The following ARB2A variants were observed in gnomAD, a reference collection of about 807,000 sequenced individuals.
ARB2A encodes the protein cotranscriptional regulator ARB2A.
the ARB2A span, among the ~76,000 whole-genome samples, chr5:93,901,209 T>C: frequency 6.6e-6 from 1 of 152,190 alleles, no homozygotes. Context: ...GTAATAAGCA[T>C]GAACAAAATT....
the ARB2A span, among the ~76,000 whole-genome samples, chr5:93,764,436 C>G: frequency 6.2e-4 from 95 of 152,296 alleles, no homozygotes; most frequent in Non-Finnish European, 1.1e-3. Flanking sequence ...TGCAAATAAA[C>G]TAGAAAATCT....
At chr5:93,962,909 A>G in the ARB2A span, among the ~76,000 whole-genome samples, 1 of 152,074 alleles carries the variant, frequency 6.6e-6, no homozygotes, top group Non-Finnish European at 1.5e-5. Flanking sequence ...TCTTCCATCT[A>G]TAGAGATCAA....
chr5:94,025,406 C>T, the ARB2A span, among the ~76,000 whole-genome samples: 8 of 152,306 alleles, frequency 5.3e-5, no homozygotes, highest in South Asian at 1.7e-3. Flanking sequence ...CTTGTAAGGC[C>T]ACCAATCCTA....
chr5:93,856,411 A>G, the ARB2A span, among the ~76,000 whole-genome samples: 1 of 152,198 alleles, frequency 6.6e-6, no homozygotes, highest in African/African-American at 2.4e-5. Flanking sequence ...CGTCAGTTTC[A>G]GGTACACCAA....
the ARB2A span, among the ~76,000 whole-genome samples, chr5:93,961,510 C>T: frequency 6.6e-6 from 1 of 152,078 alleles, no homozygotes; most frequent in East Asian, 1.9e-4. Context: ...CATAGTGAGA[C>T]CCTGTCTCTA....
the ARB2A span, among the ~76,000 whole-genome samples, chr5:93,635,017 G>A: frequency 3.3e-5 from 5 of 152,098 alleles, no homozygotes; most frequent in Non-Finnish European, 4.4e-5. Flanking sequence ...CAGGTGATCC[G>A]CCCGTTCTGG....
chr5:93,799,650 G>A, the ARB2A span, among the ~76,000 whole-genome samples: 2 of 152,074 alleles, frequency 1.3e-5, no homozygotes, highest in Non-Finnish European at 2.9e-5. Flanking sequence ...GCTGGCATCT[G>A]ATTGCTTGTA....
the ARB2A span, among the ~76,000 whole-genome samples, chr5:93,930,440 C>G: frequency 6.6e-6 from 1 of 152,164 alleles, no homozygotes; most frequent in African/African-American, 2.4e-5. Context: ...ACTGTCCACA[C>G]TAATCTTCAA....
chr5:93,732,150 T>C, the ARB2A span, among the ~76,000 whole-genome samples: 1 of 152,300 alleles, frequency 6.6e-6, no homozygotes, highest in African/African-American at 2.4e-5. Context: ...TGTTCACTGG[T>C]GTCGCCATGA....
the ARB2A span, among the ~76,000 whole-genome samples, chr5:93,818,287 C>A: frequency 1.3e-5 from 2 of 152,050 alleles, no homozygotes; most frequent in African/African-American, 4.8e-5. Flanking sequence ...TATGGAATTT[C>A]TTTTGGGGTG....
the ARB2A span, among the ~76,000 whole-genome samples, chr5:93,673,381 C>T: frequency 2.7e-5 from 4 of 147,878 alleles, no homozygotes; most frequent in African/African-American, 5.1e-5. Context: ...TCTCTCTTCT[C>T]TTTTTTTTTT....
chr5:93,626,866 C>T, the ARB2A span, among the ~76,000 whole-genome samples: 2 of 152,078 alleles, frequency 1.3e-5, no homozygotes, highest in African/African-American at 2.4e-5. Context: ...ATTGATTGAC[C>T]CTTCCTTTCC....
At chr5:94,032,839 C>T in the ARB2A span, among the ~76,000 whole-genome samples, 5 of 152,140 alleles carry the variant, frequency 3.3e-5, no homozygotes, top group Admixed American at 1.3e-4. Flanking sequence ...TCTTTCTGCA[C>T]ATTCCTCCCT....
At chr5:93,650,859 G>A in the ARB2A span, among the ~76,000 whole-genome samples, 2 of 151,688 alleles carry the variant, frequency 1.3e-5, no homozygotes, top group African/African-American at 2.4e-5. Context: ...AGGCATGGTC[G>A]TGCATGCCTA....
chr5:93,802,385 C>T, the ARB2A span, among the ~76,000 whole-genome samples: 1 of 151,772 alleles, frequency 6.6e-6, no homozygotes, highest in South Asian at 2.1e-4. Context: ...AAATGATAAA[C>T]AGGAAAAACC....
At chr5:93,909,230 C>T in the ARB2A span, among the ~76,000 whole-genome samples, 2 of 150,826 alleles carry the variant, frequency 1.3e-5, no homozygotes, top group East Asian at 3.9e-4. Flanking sequence ...TTTCCCTTTC[C>T]TAATGTGCCA....
the ARB2A span, chr5:93,733,397 T>A: frequency 1.3e-5 from 2 of 152,020 alleles, no homozygotes; most frequent in Admixed American, 6.6e-5. Context: ...GATGGGTTTT[T>A]ACCATGTAGA....
chr5:93,741,420 C>T, the ARB2A span: 4 of 1,613,288 alleles, frequency 2.5e-6, no homozygotes. Flanking sequence ...GCCTGACTGC[C>T]GGCCAGACCA....
chr5:94,056,861 T>G, the ARB2A span, among the ~76,000 whole-genome samples: 2 of 152,212 alleles, frequency 1.3e-5, no homozygotes, highest in African/African-American at 4.8e-5. Context: ...GATTAAATAT[T>G]ATTCTGGGTG....
Sources: gnomAD v4.1 joint callset for allele counts (sites outside exome capture counted in the v4.1 genomes callset) on GRCh38, gnomAD v4.1.1 for gene constraint, MANE v1.5 for transcripts, NCBI Gene and HGNC (gene_info 2026-07-23, HGNC 2026-07-21) for gene names.